Variants in CLCNKA observed in about 807,000 individuals in gnomAD.
CLCNKA encodes chloride channel protein ClC-Ka.
In CLCNKA, 66 loss-of-function variants were observed where a neutral mutation model predicts 83.3. The ratio of observed to expected loss-of-function variants is 0.79; its 90% CI spans 0.65 to 0.97. The LOEUF is 0.97. Ranked by LOEUF, CLCNKA falls within the 50% of genes least tolerant of loss-of-function variation. CLCNKA has a pLI of 0.00. For synonymous variants in CLCNKA, 357 were observed against 370.4 expected (o/e 0.96, Z 0.42); for missense variants, 806 against 888.7 (o/e 0.91, Z 1.18).
intron 7 of CLCNKA, 155 bp downstream of exon 7, chr1:16,026,930 C>CGGCGG (rs2022383472): frequency 4.0e-6 from 4 of 1,004,910 alleles, no homozygotes; most frequent in South Asian, 1.5e-5. Flanking sequence ...CCCCCGGGGG[C>CGGCGG]GGCGGGGCGG....
intron 15 of CLCNKA, 151 bp from the exon 16 acceptor site, chr1:16,031,559 A>T: frequency 9.1e-7 from 1 of 1,095,954 alleles, no homozygotes; most frequent in Non-Finnish European, 1.3e-6. Context: ...TGTGGGTTCT[A>T]GGAGTCCCTC....
chr1:16,030,040 CCAAT>C lies in CLCNKA; in HGVS notation c.1375_1378del (p.Asn459ProfsTer19), dbSNP rs1557454670. On this transcript the variant is annotated frameshift_variant, in exon 14 of 20. Coordinates refer to ENST00000331433, the MANE Select transcript of CLCNKA (RefSeq NM_004070.4). LOFTEE classifies it high-confidence loss of function. ...GAGGGCATTGTGACTGGAGGGGTTA[CCAAT>C]CCCATCATGCCCGGGGGGTATGCTC... The C allele has an allele frequency of 6.2e-7, 1 of 1,609,414 alleles. No individual in the cohort carries two copies. Among genetic ancestry groups the C allele is most frequent in the Non-Finnish European group, 8.5e-7 (1 of 1,176,256 alleles).
chr1:16,023,601 T>C (rs1329377813), intron 2 of CLCNKA, among the ~76,000 whole-genome samples, 199 bp from the exon 3 acceptor site: 1 of 152,200 alleles, frequency 6.6e-6, no homozygotes, highest in African/African-American at 2.4e-5. Flanking sequence ...TCCTCCATCC[T>C]GACACAGCCA....
rs1352153925 is a variant in CLCNKA, at chr1:16,026,146, G to A, written c.397G>A (p.Val133Met). 6.2e-7 allele frequency: 1 copy of A among 1,613,280 alleles called. No homozygotes were observed. The highest frequency in any genetic ancestry group is 8.5e-7 in the Non-Finnish European group (1 of 1,180,038). The part of the protein sequence containing the change: ...IPELKTMLAG[V>M]ILEDYLDIKN... ...GGAGCTGAAGACCATGTTGGCGGGTGTGATCTTGGAGGACTACCTGGATAT... is the reference window on the plus strand; with the variant it reads ...GGAGCTGAAGACCATGTTGGCGGGTATGATCTTGGAGGACTACCTGGATAT... The change falls in exon 5 of 20, where the codon GTG becomes ATG. Residue 133 changes from valine to methionine, a missense_variant. Val to Met is a conservative substitution (Grantham distance 21). Transcript: ENST00000331433.
rs2022639795 is a variant in CLCNKA, at chr1:16,031,851, G to A, written c.1756+8G>A. On this transcript the variant is annotated splice_region_variant and intron_variant, in intron 16 of 19. Transcript: ENST00000331433. ...CCCTGGTGGAGAGCACAGGTGCCCA[G>A]CTGGAAGGGAGGAGGAAGTCGGGGG... is the stretch of plus-strand genomic sequence containing the variant. The A allele has an allele frequency of 6.2e-7, 1 of 1,613,778 alleles. No homozygotes were observed. The highest frequency in any genetic ancestry group is 1.1e-5 in the South Asian group (1 of 91,088).
intron 14 of CLCNKA, among the ~76,000 whole-genome samples, 162 bp downstream of exon 14, chr1:16,030,237 G>A (rs1046370418): frequency 6.6e-5 from 10 of 152,144 alleles, no homozygotes; most frequent in Non-Finnish European, 1.0e-4. Flanking sequence ...ACCATTCCCC[G>A]GGGCCCATCA....
chr1:16,033,093 G>A (rs1459384095), intron 18 of CLCNKA, 77 bp from the exon 19 acceptor site: 3 of 1,464,270 alleles, frequency 2.0e-6, no homozygotes, highest in African/African-American at 2.8e-5. Flanking sequence ...TCCTGGCTCA[G>A]AGGCGTGGCA....
rs769120548 is a variant in CLCNKA, at chr1:16,030,657, T to G, written c.1605T>G (p.Ile535Met). ...AGAAGCTGCCATACCTGCCACGGAT[T>G]CTGGGCCGCAACATCGGGTGAGTGG... ...IVKKLPYLPRILGRNIGSHHV... is the reference protein window; with the variant it reads ...IVKKLPYLPRMLGRNIGSHHV... Residue 535 changes from isoleucine to methionine, a missense_variant, in exon 15 of 20, where the codon ATT (isoleucine) becomes ATG (methionine). Ile to Met is a conservative substitution (Grantham distance 10). Coordinates refer to ENST00000331433, the MANE Select transcript of CLCNKA (RefSeq NM_004070.4). 6.2e-7 allele frequency: 1 copy of G among 1,613,324 alleles called. No individual in the cohort carries two copies. Among genetic ancestry groups the G allele is most frequent in the South Asian group, 1.1e-5 (1 of 91,088 alleles).
At position 16,024,863 on chromosome 1, in the gene CLCNKA, C is replaced by T. The variant is rs1437445174; in HGVS notation, c.330C>T (p.Phe110=). Residue 110 remains phenylalanine (F), a synonymous_variant, in exon 4 of 20, where the codon TTC becomes TTT. Transcript: ENST00000331433. ...PVALVSFSSG[F]SQSITPSSGG... Reference sequence around the variant, plus strand: ...CCCTCGTCTCTTTCTCCTCAGGCTTCTCCCAGAGCATCACGCCCTCCTCTG... The same window carrying T: ...CCCTCGTCTCTTTCTCCTCAGGCTTTTCCCAGAGCATCACGCCCTCCTCTG... 1 of 1,614,202 alleles carries T rather than the reference C, an allele frequency of 6.2e-7. No homozygotes were observed. Among genetic ancestry groups the T allele is most frequent in the South Asian group, 1.1e-5 (1 of 91,084 alleles).
At position 16,024,838 on chromosome 1, in the gene CLCNKA, C is replaced by G; in HGVS notation, c.305C>G (p.Ala102Gly). The G allele has an allele frequency of 6.2e-7, 1 of 1,614,188 alleles. No individual in the cohort carries two copies. Among genetic ancestry groups the G allele is most frequent in the Non-Finnish European group, 8.5e-7 (1 of 1,180,036 alleles). The stretch of plus-strand genomic sequence containing the variant: ...CTTTCCTGGACTGTGTACCCTGTGG[C>G]CCTCGTCTCTTTCTCCTCAGGCTTC... ...RYLSWTVYPV[A>G]LVSFSSGFSQ... The change falls in exon 4 of 20, where the codon GCC becomes GGC. Residue 102 changes from alanine (A) to glycine (G), a missense_variant. Ala to Gly is a moderately conservative substitution (Grantham distance 60). Coordinates refer to ENST00000331433, the MANE Select transcript of CLCNKA (RefSeq NM_004070.4).
At position 16,028,030 on chromosome 1, in the gene CLCNKA, C is replaced by T. The variant is rs201927569; in HGVS notation, c.879C>T (p.Gly293=). Residue 293 remains glycine, a synonymous_variant, in exon 10 of 20, where the codon GGC becomes GGT. Transcript: ENST00000331433. ...FFFVALGGIC[G]VLSCAYLFCQ... ...CTTCACCCCGCAGTGGCATCTGCGG[C>T]GTCCTGAGCTGTGCTTACCTCTTCT... The T allele has an allele frequency of 2.0e-4, 325 of 1,613,762 alleles. 1 individual carries two copies. Among genetic ancestry groups the T allele is most frequent in the Non-Finnish European group, 2.6e-4 (309 of 1,179,892 alleles).
chr1:16,026,659 AG>A (rs1183881616), intron 6 of CLCNKA, 37 bp from the exon 7 acceptor site: 12 of 1,612,942 alleles, frequency 7.4e-6, no homozygotes, highest in Non-Finnish European at 9.3e-6. Context: ...GTGGGGAGGG[AG>A]GGGGCTGACT....
chr1:16,029,632 TTCTA>T, intron 12 of CLCNKA, 95 bp from the exon 13 acceptor site: 1 of 1,477,996 alleles, frequency 6.8e-7, no homozygotes, highest in Non-Finnish European at 9.5e-7. Flanking sequence ...GGCACCCTCT[TTCTA>T]TCTAGGACAC....
chr1:16,031,706 G>A lies in CLCNKA; in HGVS notation c.1623-4G>A, dbSNP rs1377530374. The A allele has an allele frequency of 4.3e-6, 7 of 1,613,620 alleles. No individual in the cohort carries two copies. Among genetic ancestry groups the A allele is most frequent in the East Asian group, 4.5e-5 (2 of 44,872 alleles). Reference sequence around the variant, plus strand: ...GGACCTGATGGGAGCCCCTCTGCCTGCAGCTCCCACCATGTGAGGGTGGAG... The same window carrying A: ...GGACCTGATGGGAGCCCCTCTGCCTACAGCTCCCACCATGTGAGGGTGGAG... On this transcript the variant is annotated splice_polypyrimidine_tract_variant and splice_region_variant and intron_variant, in intron 15 of 19. Transcript: ENST00000331433.
At position 16,030,955 on chromosome 1, in the gene CLCNKA, A is replaced by G. The variant is rs7531327; in HGVS notation, c.1622+281A>G. Among the ~76,000 whole-genome samples, 27,424 of 151,758 alleles carry G rather than the reference A, an allele frequency of 0.18. 3,197 individuals carry two copies. Among genetic ancestry groups the G allele is most frequent in the Admixed American group, 0.29 (4,443 of 15,180 alleles). Reference sequence around the variant, plus strand: ...CCCGTGTACAGATTGAGGAAACCAGAGCTCAGAGAGGTGCCGTGTCTTGCT... The same window carrying G: ...CCCGTGTACAGATTGAGGAAACCAGGGCTCAGAGAGGTGCCGTGTCTTGCT... On this transcript the variant is annotated intron_variant, in intron 15 of 19. Transcript: ENST00000331433.
chr1:16,033,325 T>TG (rs746445243), intron 19 of CLCNKA, 69 bp downstream of exon 19: 36 of 1,508,790 alleles, frequency 2.4e-5, no homozygotes, highest in Non-Finnish European at 2.5e-5. Context: ...GATGGGGAGG[T>TG]GGGGGGACAC....
At position 16,028,921 on chromosome 1, in the gene CLCNKA, A is replaced by T. The variant is rs541441565; in HGVS notation, c.1053+76A>T. On this transcript the variant is annotated intron_variant, in intron 11 of 19. Transcript: ENST00000331433. Reference sequence around the variant, plus strand: ...CCCCTTTGCATGTGTCTCACGTAATACCCTCAGCACCCCACCAGGGTGACA... The same window carrying T: ...CCCCTTTGCATGTGTCTCACGTAATTCCCTCAGCACCCCACCAGGGTGACA... 1,851 of 1,550,630 alleles carry T rather than the reference A, an allele frequency of 1.2e-3. 2 individuals are homozygous for T. The highest frequency in any genetic ancestry group is 1.5e-3 in the Non-Finnish European group (1,666 of 1,124,848).
At position 16,027,849 on chromosome 1, in the gene CLCNKA, T is replaced by C; in HGVS notation, c.810T>C (p.Ser270=). The change falls in exon 9 of 20, where the codon AGT becomes AGC. Residue 270 remains serine, a synonymous_variant. Coordinates refer to ENST00000331433, the MANE Select transcript of CLCNKA (RefSeq NM_004070.4). The part of the protein sequence containing the change: ...QETITSLYKT[S]FRVDVPFDLP... Reference sequence around the variant, plus strand: ...CCATCACCTCCCTCTACAAGACCAGTTTCCGGGTGGACGTTCCCTTCGACC... The same window carrying C: ...CCATCACCTCCCTCTACAAGACCAGCTTCCGGGTGGACGTTCCCTTCGACC... The C allele has an allele frequency of 6.2e-7, 1 of 1,612,650 alleles. No homozygotes were observed. Among genetic ancestry groups the C allele is most frequent in the Non-Finnish European group, 8.5e-7 (1 of 1,179,606 alleles).
chr1:16,029,881 G>T, intron 13 of CLCNKA, 81 bp downstream of exon 13: 3 of 1,605,596 alleles, frequency 1.9e-6, no homozygotes, highest in Non-Finnish European at 2.6e-6. Flanking sequence ...CTCTTCCCGG[G>T]TGGTACTAAG....
Sources: allele counts gnomAD v4.1 joint callset (sites outside exome capture counted in the v4.1 genomes callset), GRCh38; gene constraint gnomAD v4.1.1; transcripts MANE v1.5; gene names NCBI Gene and HGNC (gene_info 2026-07-23, HGNC 2026-07-21).